Variants in SVEP1 observed in about 807,000 individuals in gnomAD.
SVEP1 encodes the protein sushi, von Willebrand factor type A, EGF and pentraxin domain-containing protein 1.
Under a neutral mutation model 367.3 loss-of-function variants are expected in SVEP1, and 164 were observed. That is an observed-to-expected ratio of 0.45 (90% CI 0.39 to 0.51). The LOEUF is 0.51. Among genes scored for constraint, SVEP1 ranks in the 20% least tolerant of loss-of-function variants. The pLI, the probability that SVEP1 is intolerant of heterozygous loss-of-function variation, is 0.00. For synonymous variants in SVEP1, 1,666 were observed against 1,611.6 expected (o/e 1.03, Z -0.81); for missense variants, 4,117 against 4,425.3 (o/e 0.93, Z 1.98).
chr9:110,423,670 TA>T (rs983936096), intron 36 of SVEP1, among the ~76,000 whole-genome samples: 34 of 151,954 alleles, frequency 2.2e-4, no homozygotes, highest in Non-Finnish European at 4.1e-4. Flanking sequence ...ATGGGTATAT[TA>T]AAATAAAAAA....
At position 110,556,232 on chromosome 9, in the gene SVEP1, C is replaced by T. The variant is rs532866887; in HGVS notation, c.532-6128G>A. Among the ~76,000 whole-genome samples, 42 of 152,192 alleles carry T rather than the reference C, an allele frequency of 2.8e-4. No individual in the cohort carries two copies. The South Asian group carries it at 3.1e-3, about 11-fold the overall frequency. On this transcript the variant is annotated intron_variant, in intron 1 of 47. Coordinates refer to ENST00000374469, the MANE Select transcript of SVEP1 (RefSeq NM_153366.4). ...GGTTGTGTAATATTGTTCTAACACC[C>T]GAGATCCATCACCATTACACAAGAC... is the stretch of plus-strand genomic sequence containing the variant.
intron 3 of SVEP1, among the ~76,000 whole-genome samples, chr9:110,545,157 G>C (rs1830203103): frequency 6.6e-6 from 1 of 152,052 alleles, no homozygotes; most frequent in Non-Finnish European, 1.5e-5. Flanking sequence ...TTCTTTATCT[G>C]TTCTTCCATT....
Position 110,542,965 on chromosome 9 carries a change from T to TA in SVEP1, c.964+3149dup, listed in dbSNP as rs1554722331. Among the ~76,000 whole-genome samples the TA allele has an allele frequency of 5.0e-4, 71 of 141,656 alleles. 1 individual carries two copies. The South Asian group carries it at 5.1e-3, about 10-fold the overall frequency. The allele number at this position is 141,656 out of a possible 152,430, so 92.9% of individuals were successfully genotyped here. A position where few individuals can be genotyped will look rare whatever the true frequency, so the allele number is the denominator to read the frequency against. On this transcript the variant is annotated intron_variant, in intron 3 of 47. Transcript: ENST00000374469. Reference sequence around the variant, plus strand: ...TGTACCCTAGAACTTAAAGTATAATTAAAAAAAAATATATATATATATATA... The same window carrying TA: ...TGTACCCTAGAACTTAAAGTATAATTAAAAAAAAAATATATATATATATATA...
chr9:110,374,585 G>T (rs547744550), intron 46 of SVEP1, among the ~76,000 whole-genome samples: 1 of 152,316 alleles, frequency 6.6e-6, no homozygotes, highest in East Asian at 1.9e-4. Context: ...GGGAGGCAGA[G>T]GTTTCAGTGA....
Position 110,450,107 on chromosome 9 carries a change from T to C in SVEP1, c.4055A>G (p.Gln1352Arg), listed in dbSNP as rs78239740. 0.017 allele frequency: 27,903 copies of C among 1,613,968 alleles called. 601 individuals are homozygous for C. The highest frequency in any genetic ancestry group is 0.072 in the East Asian group (3,229 of 44,882). Residue 1352 changes from glutamine to arginine, a missense_variant, in exon 24 of 48, where the codon CAG (glutamine) becomes CGG (arginine). Gln to Arg is a conservative substitution (Grantham distance 43, BLOSUM62 1). Transcript: ENST00000374469. ...ACAGGTAGCTCCATTTTTGCATGGCTGACTGAGACACTCATCGACGTTCTT... is the reference window on the plus strand; with the variant it reads ...ACAGGTAGCTCCATTTTTGCATGGCCGACTGAGACACTCATCGACGTTCTT... ...CGKNVDECLS[Q>R]PCKNGATCKD... is the part of the protein sequence containing the mutation.
chr9:110,516,318 T>G (rs1228009448), intron 3 of SVEP1, among the ~76,000 whole-genome samples: 1 of 151,718 alleles, frequency 6.6e-6, no homozygotes, highest in Non-Finnish European at 1.5e-5. Context: ...AAGCCATGCT[T>G]CTAAAATTCT....
Position 110,406,848 on chromosome 9 carries a change from G to T in SVEP1, c.8752C>A (p.His2918Asn), listed in dbSNP as rs1455725416. The T allele has an allele frequency of 6.2e-7, 1 of 1,613,986 alleles. No homozygotes were observed. Among genetic ancestry groups the T allele is most frequent in the Admixed American group, 1.7e-5 (1 of 60,018 alleles). ...GCACCGTGCAAGATGTAGCCCTCGT[G>T]ACAGTGGAATGTTACTTCCTTCATG... ...GFMKEVTFHCHEGYILHGAPK... is the reference protein window; with the variant it reads ...GFMKEVTFHCNEGYILHGAPK... Residue 2918 changes from histidine (H) to asparagine (N), a missense_variant, in exon 38 of 48, where the codon CAC becomes AAC. His to Asn is a moderately conservative substitution (Grantham distance 68). Coordinates refer to ENST00000374469, the MANE Select transcript of SVEP1 (RefSeq NM_153366.4).
Position 110,549,882 on chromosome 9 carries a change from A to C in SVEP1, c.754T>G (p.Phe252Val). The C allele has an allele frequency of 6.2e-7, 1 of 1,613,870 alleles. No individual in the cohort carries two copies. Among genetic ancestry groups the C allele is most frequent in the Non-Finnish European group, 8.5e-7 (1 of 1,179,844 alleles). ...AATGCCCGGCGAGCTAAAGCCTCAAATTCTTCAAAACTGTGTAGCAGGTAA... is the reference window on the plus strand; with the variant it reads ...AATGCCCGGCGAGCTAAAGCCTCAACTTCTTCAAAACTGTGTAGCAGGTAA... The part of the protein sequence containing the change: ...HCYLLHSFEE[F>V]EALARRALHE... The change falls in exon 2 of 48, where the codon TTT (phenylalanine) becomes GTT (valine). Residue 252 changes from phenylalanine to valine, a missense_variant. Physicochemically the swap from Phe to Val is conservative, Grantham distance 50. Coordinates refer to ENST00000374469, the MANE Select transcript of SVEP1 (RefSeq NM_153366.4).
At chr9:110,374,159 C>T (rs1827316497) in intron 46 of SVEP1, among the ~76,000 whole-genome samples, 1 of 152,196 alleles carries the variant, frequency 6.6e-6, no homozygotes, top group Non-Finnish European at 1.5e-5. Flanking sequence ...CTCCCACCCT[C>T]TACCCTCAAG....
intron 43 of SVEP1, among the ~76,000 whole-genome samples, chr9:110,380,859 A>G (rs1037984841): frequency 6.6e-6 from 1 of 152,152 alleles, no homozygotes; most frequent in Non-Finnish European, 1.5e-5. Flanking sequence ...TACTGCCTCA[A>G]TTTCAGAACT....
At position 110,578,993 on chromosome 9, in the gene SVEP1, G is replaced by C. The variant is rs1158624251; in HGVS notation, c.531+20C>G. On this transcript the variant is annotated intron_variant, in intron 1 of 47. Transcript: ENST00000374469. ...GGGCCCGGGGACTAGGGCCCGGGTCGGGAGGGGCGGGCGCCTTACCGCGGC... is the reference window on the plus strand; with the variant it reads ...GGGCCCGGGGACTAGGGCCCGGGTCCGGAGGGGCGGGCGCCTTACCGCGGC... 9 of 1,510,638 alleles carry C rather than the reference G, an allele frequency of 6.0e-6. No homozygotes were observed. Among genetic ancestry groups the C allele is most frequent in the Non-Finnish European group, 7.1e-6 (8 of 1,131,174 alleles). 93.6% of individuals were successfully genotyped at this position (1,510,638 alleles called of 1,614,324 possible).
intron 40 of SVEP1, among the ~76,000 whole-genome samples, chr9:110,397,666 G>T (rs984384425): frequency 6.6e-6 from 1 of 152,138 alleles, no homozygotes; most frequent in Admixed American, 6.5e-5. Context: ...CAAAATCAAT[G>T]TGCAAAAATC....
intron 40 of SVEP1, among the ~76,000 whole-genome samples, chr9:110,390,056 T>A (rs1049103459): frequency 7.9e-6 from 1 of 126,458 alleles, no homozygotes; most frequent in South Asian, 2.7e-4. Context: ...TATACACGTA[T>A]ATATATAAGT....
At chr9:110,402,786 G>C (rs576275961) in intron 39 of SVEP1, among the ~76,000 whole-genome samples, 12 of 152,058 alleles carry the variant, frequency 7.9e-5, no homozygotes, top group African/African-American at 2.9e-4. Flanking sequence ...TATCTAAAAG[G>C]GACCATCTGG....
chr9:110,509,268 G>C (rs1020444031), intron 5 of SVEP1, among the ~76,000 whole-genome samples: 1 of 152,208 alleles, frequency 6.6e-6, no homozygotes, highest in East Asian at 1.9e-4. Flanking sequence ...GTGAAATATG[G>C]CATGTGTTTC....
intron 1 of SVEP1, among the ~76,000 whole-genome samples, chr9:110,553,572 G>C (rs918804541): frequency 2.4e-4 from 37 of 152,268 alleles, no homozygotes; most frequent in African/African-American, 8.7e-4. Context: ...GGCCAAGGCT[G>C]GGAGAGAAGG....
chr9:110,526,707 T>C (rs941317450), intron 3 of SVEP1, among the ~76,000 whole-genome samples: 1 of 152,128 alleles, frequency 6.6e-6, no homozygotes, highest in Non-Finnish European at 1.5e-5. Flanking sequence ...AAAACTTATG[T>C]TCACATTAAA....
At chr9:110,479,613 T>C in intron 13 of SVEP1, 22 bp downstream of exon 13, 31 of 1,581,534 alleles carry the variant, frequency 2.0e-5, no homozygotes, top group Middle Eastern at 1.7e-4. Context: ...GAACACACAA[T>C]AAATGACCAC....
intron 8 of SVEP1, among the ~76,000 whole-genome samples, chr9:110,495,783 A>G (rs564179313): frequency 3.3e-5 from 5 of 152,322 alleles, no homozygotes; most frequent in African/African-American, 1.2e-4. Flanking sequence ...CTGATGGATT[A>G]TTTCAAGCTA....
Sources: gnomAD v4.1 joint callset for allele counts (sites outside exome capture counted in the v4.1 genomes callset) on GRCh38, gnomAD v4.1.1 for gene constraint, MANE v1.5 for transcripts, NCBI Gene and HGNC (gene_info 2026-07-23, HGNC 2026-07-21) for gene names.